The following UGT1A7 variants were observed in gnomAD, a reference collection of about 807,000 sequenced individuals.
The protein encoded by UGT1A7 is UDP glucuronosyltransferase family 1 member A7, also known as UDP-glucuronosyltransferase 1A7.
A neutral mutation model predicts 45.6 loss-of-function variants in UGT1A7; 33 were observed. That is an observed-to-expected ratio of 0.72 (90% CI 0.55 to 0.97). The LOEUF (loss-of-function observed/expected upper bound fraction) is 0.97. UGT1A7 is among the 50% of genes least tolerant of loss of function. The pLI is 0.00. For missense variants in UGT1A7, 684 were observed against 666.2 expected, an observed-to-expected ratio of 1.03 and a Z score of -0.29; for synonymous variants, 274 against 250.6, an observed-to-expected ratio of 1.09 and a Z score of -0.88.
intron 1 of UGT1A7, chr2:233,755,333 G>A (rs878855763): frequency 4.4e-6 from 2 of 455,268 alleles, no homozygotes; most frequent in South Asian, 1.9e-5. Flanking sequence ...CAGCACCCGC[G>A]CACAGGTCAG....
At chr2:233,684,319 T>C (rs568129015) in intron 1 of UGT1A7, among the ~76,000 whole-genome samples, 1 of 152,254 alleles carries the variant, frequency 6.6e-6, no homozygotes, top group Non-Finnish European at 1.5e-5. Context: ...GAGATGCAAG[T>C]TGTAGGACGC....
chr2:233,693,916 C>T (rs1297331080), intron 1 of UGT1A7: 2 of 1,611,140 alleles, frequency 1.2e-6, no homozygotes, highest in South Asian at 1.1e-5. Flanking sequence ...AGGCTCTGTC[C>T]TCCCTCACTC....
At chr2:233,763,140 C>T (rs1698247941) in intron 1 of UGT1A7, among the ~76,000 whole-genome samples, 1 of 152,192 alleles carries the variant, frequency 6.6e-6, no homozygotes, top group African/African-American at 2.4e-5. Context: ...ATTGATATAA[C>T]CATAAAAGTC....
At chr2:233,742,015 A>G (rs1575645503) in intron 1 of UGT1A7, 3 of 151,866 alleles carry the variant, frequency 2.0e-5, no homozygotes, top group African/African-American at 4.9e-5. Context: ...GCTTTCATCA[A>G]CCTAATTTGA....
intron 1 of UGT1A7, among the ~76,000 whole-genome samples, chr2:233,751,154 C>A (rs1181996969): frequency 6.6e-6 from 1 of 151,950 alleles, no homozygotes; most frequent in Non-Finnish European, 1.5e-5. Flanking sequence ...CCACTTCTGG[C>A]ATCAGCATGA....
intron 1 of UGT1A7, chr2:233,747,664 T>C (rs942017762): frequency 1.4e-5 from 23 of 1,600,812 alleles, no homozygotes; most frequent in South Asian, 1.4e-4. Flanking sequence ...GTGGTTTTAA[T>C]AGACCCAATT....
At chr2:233,748,875 A>T (rs1329303581) in intron 1 of UGT1A7, among the ~76,000 whole-genome samples, 1 of 151,636 alleles carries the variant, frequency 6.6e-6, no homozygotes, top group Non-Finnish European at 1.5e-5. Flanking sequence ...GGGGACGGTG[A>T]TGAATGGACA....
At chr2:233,699,889 A>G (rs1435018489) in intron 1 of UGT1A7, among the ~76,000 whole-genome samples, 1 of 152,154 alleles carries the variant, frequency 6.6e-6, no homozygotes, top group Non-Finnish European at 1.5e-5. Context: ...GCAATTGGAG[A>G]GGCGAAATAG....
intron 1 of UGT1A7, among the ~76,000 whole-genome samples, chr2:233,715,537 C>T (rs532391786): frequency 4.5e-4 from 69 of 152,064 alleles, no homozygotes; most frequent in African/African-American, 1.4e-3. Context: ...TTTGGGAGAC[C>T]GAGGGAGGAG....
intron 1 of UGT1A7, chr2:233,690,443 C>G (rs7608175): frequency 0.4 from 516,894 of 1,281,456 alleles, 105,680 homozygotes; most frequent in South Asian, 0.45. Flanking sequence ...GGTCTCTCCT[C>G]TATTCAAAAT....
intron 1 of UGT1A7, chr2:233,730,138 A>G (rs1337781035): frequency 1.2e-5 from 19 of 1,525,120 alleles, no homozygotes; most frequent in African/African-American, 8.3e-5. Flanking sequence ...CTTCAGTGAG[A>G]TAAACTGTTA....
chr2:233,729,482 A>G (rs2077866923), intron 1 of UGT1A7: 1 of 1,614,098 alleles, frequency 6.2e-7, no homozygotes, highest in Non-Finnish European at 8.5e-7. Flanking sequence ...ATGTTGAACA[A>G]TATGTCTTTG....
At chr2:233,692,914 G>T in intron 1 of UGT1A7, 1 of 1,561,786 alleles carries the variant, frequency 6.4e-7, no homozygotes, top group Non-Finnish European at 8.6e-7. Flanking sequence ...CCTGTGAAAA[G>T]CAGTGGTTAG....
chr2:233,745,134 A>C (rs1693022664), intron 1 of UGT1A7, among the ~76,000 whole-genome samples: 1 of 151,864 alleles, frequency 6.6e-6, no homozygotes, highest in Admixed American at 6.5e-5. Context: ...TGCAGATGTG[A>C]AGCCCAAGTA....
chr2:233,745,245 C>T (rs931474657), intron 1 of UGT1A7, among the ~76,000 whole-genome samples: 3 of 151,778 alleles, frequency 2.0e-5, no homozygotes, highest in African/African-American at 7.3e-5. Flanking sequence ...TTTACTGTAT[C>T]GAAACCATTA....
chr2:233,746,906 T>C (rs1380473357), intron 1 of UGT1A7, among the ~76,000 whole-genome samples: 1 of 151,690 alleles, frequency 6.6e-6, no homozygotes, highest in Admixed American at 6.5e-5. Context: ...TGACATGAAA[T>C]GGGTTTCCAC....
intron 1 of UGT1A7, chr2:233,754,965 T>A (rs1303021739): frequency 7.7e-7 from 1 of 1,306,100 alleles, no homozygotes; most frequent in East Asian, 4.6e-5. Flanking sequence ...GCCAAAGAAC[T>A]CCCTGAAGAC....
At chr2:233,691,789 A>G (rs1475336868) in intron 1 of UGT1A7, 1 of 250,072 alleles carries the variant, frequency 4.0e-6, no homozygotes, top group African/African-American at 2.3e-5. Flanking sequence ...TACTGGCTAG[A>G]CTTATACTTC....
intron 1 of UGT1A7, among the ~76,000 whole-genome samples, chr2:233,761,761 G>A (rs990120638): frequency 6.6e-6 from 1 of 152,174 alleles, no homozygotes; most frequent in African/African-American, 2.4e-5. Flanking sequence ...TATGCAAAAA[G>A]TAGCATTCAC....
Sources: gnomAD v4.1 joint callset for allele counts (sites outside exome capture counted in the v4.1 genomes callset) on GRCh38, gnomAD v4.1.1 for gene constraint, MANE v1.5 for transcripts, NCBI Gene and HGNC (gene_info 2026-07-23, HGNC 2026-07-21) for gene names.